The following CCSER1 variants were observed in gnomAD, a reference collection of about 807,000 sequenced individuals.
The protein encoded by CCSER1 is coiled-coil serine rich protein 1, also known as serine-rich coiled-coil domain-containing protein 1.
A neutral mutation model predicts 82.0 loss-of-function variants in CCSER1; 41 were observed. The ratio of observed to expected loss-of-function variants is 0.50; its 90% CI spans 0.39 to 0.65. CCSER1 has a LOEUF of 0.65. CCSER1 is among the 30% of genes least tolerant of loss of function. The pLI is 0.00. For missense variants in CCSER1, 1,119 were observed against 1,064.2 expected (o/e 1.05, Z -0.72); for synonymous variants, 414 against 383.9 (o/e 1.08, Z -0.92).
intron 7 of CCSER1, among the ~76,000 whole-genome samples, chr4:90,751,626 G>T (rs1748680437): frequency 6.6e-6 from 1 of 152,036 alleles, no homozygotes; most frequent in African/African-American, 2.4e-5. Flanking sequence ...TGTCTTATTG[G>T]ATTATTGACT....
chr4:91,462,478 G>A (rs1756564765), intron 10 of CCSER1, among the ~76,000 whole-genome samples: 1 of 152,044 alleles, frequency 6.6e-6, no homozygotes, highest in African/African-American at 2.4e-5. Flanking sequence ...GAGGTACCAG[G>A]TTCATCTCAC....
chr4:90,735,063 A>G (rs982513232), intron 7 of CCSER1, among the ~76,000 whole-genome samples: 2 of 151,778 alleles, frequency 1.3e-5, no homozygotes, highest in Admixed American at 1.3e-4. Context: ...ATGCTTTTTC[A>G]GCATCTATTA....
chr4:90,420,778 C>T (rs554226013), intron 4 of CCSER1, among the ~76,000 whole-genome samples: 1 of 152,182 alleles, frequency 6.6e-6, no homozygotes, highest in African/African-American at 2.4e-5. Context: ...TTCCTACTGA[C>T]ATAAACTCTC....
chr4:90,887,481 C>A (rs924824577), intron 8 of CCSER1, among the ~76,000 whole-genome samples: 1 of 152,184 alleles, frequency 6.6e-6, no homozygotes, highest in African/African-American at 2.4e-5. Flanking sequence ...CAAATCTATT[C>A]TTGCACCATT....
chr4:90,740,002 T>C (rs1299883961), intron 7 of CCSER1, among the ~76,000 whole-genome samples: 1 of 152,192 alleles, frequency 6.6e-6, no homozygotes, highest in Non-Finnish European at 1.5e-5. Flanking sequence ...TTGTTGTTCC[T>C]GGTTGGGGGG....
intron 5 of CCSER1, among the ~76,000 whole-genome samples, chr4:90,483,973 A>T (rs1221357187): frequency 6.6e-6 from 1 of 152,204 alleles, no homozygotes; most frequent in African/African-American, 2.4e-5. Context: ...AGTGTTTTCC[A>T]ACTTGGTTCC....
chr4:90,979,077 A>T (rs1735868005), intron 9 of CCSER1, among the ~76,000 whole-genome samples: 1 of 151,642 alleles, frequency 6.6e-6, no homozygotes, highest in Non-Finnish European at 1.5e-5. Flanking sequence ...TCATAGTTCT[A>T]AGTTATACTT....
chr4:91,105,093 C>T (rs1212087025), intron 10 of CCSER1, among the ~76,000 whole-genome samples: 1 of 151,826 alleles, frequency 6.6e-6, no homozygotes, highest in Non-Finnish European at 1.5e-5. Context: ...TATCATTTCA[C>T]TCTTTACCTT....
At chr4:90,944,691 A>G (rs866437480) in intron 9 of CCSER1, among the ~76,000 whole-genome samples, 1 of 152,238 alleles carries the variant, frequency 6.6e-6, no homozygotes, top group Non-Finnish European at 1.5e-5. Context: ...ATTTAGTCAA[A>G]TAAGTCCTTA....
At chr4:90,768,025 C>T (rs183833105) in intron 7 of CCSER1, among the ~76,000 whole-genome samples, 1 of 152,264 alleles carries the variant, frequency 6.6e-6, no homozygotes, top group East Asian at 1.9e-4. Flanking sequence ...TCTCAGTGTT[C>T]ATGATCTTGT....
intron 10 of CCSER1, among the ~76,000 whole-genome samples, chr4:91,287,755 A>G (rs948438829): frequency 6.6e-6 from 1 of 151,956 alleles, no homozygotes; most frequent in Admixed American, 6.6e-5. Context: ...AAAAGTTTTA[A>G]GTGGCATGAT....
intron 1 of CCSER1, among the ~76,000 whole-genome samples, chr4:90,275,607 C>T (rs758634270): frequency 4.0e-5 from 6 of 151,878 alleles, no homozygotes; most frequent in Non-Finnish European, 8.8e-5. Context: ...TTGGTGACAA[C>T]AGAGAGTTTA....
chr4:90,953,152 C>A (rs1733088842), intron 9 of CCSER1, among the ~76,000 whole-genome samples: 1 of 151,790 alleles, frequency 6.6e-6, no homozygotes, highest in East Asian at 1.9e-4. Flanking sequence ...GCAATTTTGT[C>A]ATCTAGTTAA....
At chr4:91,426,940 A>G (rs540181407) in intron 10 of CCSER1, among the ~76,000 whole-genome samples, 2 of 152,282 alleles carry the variant, frequency 1.3e-5, no homozygotes, top group South Asian at 2.1e-4. Context: ...CTATAATCCT[A>G]TAAGTAGATG....
intron 10 of CCSER1, among the ~76,000 whole-genome samples, chr4:91,090,589 C>A (rs1425269706): frequency 1.3e-5 from 2 of 152,128 alleles, no homozygotes; most frequent in Non-Finnish European, 2.9e-5. Context: ...CAGGGTGGTT[C>A]TTTTGGGCTG....
At chr4:90,582,356 C>T (rs1210772819) in intron 5 of CCSER1, among the ~76,000 whole-genome samples, 1 of 152,084 alleles carries the variant, frequency 6.6e-6, no homozygotes, top group Non-Finnish European at 1.5e-5. Context: ...AATTATATCT[C>T]AAAATAGTCA....
chr4:90,462,938 A>G (rs759273094), intron 4 of CCSER1, among the ~76,000 whole-genome samples: 1 of 152,182 alleles, frequency 6.6e-6, no homozygotes, highest in African/African-American at 2.4e-5. Context: ...CAATAGAACA[A>G]TAAGTCAATA....
At chr4:90,133,796 G>A (rs1442667420) in intron 1 of CCSER1, among the ~76,000 whole-genome samples, 1 of 152,128 alleles carries the variant, frequency 6.6e-6, no homozygotes, top group Non-Finnish European at 1.5e-5. Flanking sequence ...AATTTTACCT[G>A]TTTTGTATGA....
At chr4:90,778,797 T>C (rs1753325303) in intron 7 of CCSER1, among the ~76,000 whole-genome samples, 1 of 152,086 alleles carries the variant, frequency 6.6e-6, no homozygotes, top group South Asian at 2.1e-4. Flanking sequence ...AAACTCTTTA[T>C]TAACTCTAAC....
Sources: allele counts gnomAD v4.1 joint callset (sites outside exome capture counted in the v4.1 genomes callset), GRCh38; gene constraint gnomAD v4.1.1; transcripts MANE v1.5; gene names NCBI Gene and HGNC (gene_info 2026-07-23, HGNC 2026-07-21).